The following INPP5B variants were observed in gnomAD, a reference collection of about 807,000 sequenced individuals.
INPP5B encodes type II inositol 1,4,5-trisphosphate 5-phosphatase.
Under a neutral mutation model 118.5 loss-of-function variants are expected in INPP5B, and 90 were observed. The observed-to-expected ratio is 0.76, with a 90% CI of 0.64 to 0.90. The LOEUF (loss-of-function observed/expected upper bound fraction) is 0.90. Ranked by LOEUF, INPP5B falls within the 40% of genes least tolerant of loss-of-function variation. The pLI is 0.00. For synonymous variants in INPP5B, 385 were observed against 418.9 expected, an observed-to-expected ratio of 0.92 and a Z score of 0.99; for missense variants, 984 against 1,125.6, an observed-to-expected ratio of 0.87 and a Z score of 1.80.
At chr1:37,919,366 T>C (rs111456731) in intron 7 of INPP5B, among the ~76,000 whole-genome samples, 3,052 of 152,138 alleles carry the variant, frequency 0.02, 102 homozygotes, top group African/African-American at 0.07. Flanking sequence ...TGCAAAACCA[T>C]GCAAGCAAAA....
At chr1:37,872,327 G>A (rs957740680) in intron 19 of INPP5B, among the ~76,000 whole-genome samples, 6 of 139,104 alleles carry the variant, frequency 4.3e-5, no homozygotes, top group East Asian at 2.2e-4. Context: ...CCAAGATCAC[G>A]TCATTGCACT....
At chr1:37,896,454 C>T (rs1275450319) in intron 7 of INPP5B, among the ~76,000 whole-genome samples, 7 of 150,578 alleles carry the variant, frequency 4.6e-5, no homozygotes, top group South Asian at 2.1e-4. Flanking sequence ...GCCAGCTGCC[C>T]CGTCCGGGAG....
chr1:37,931,674 T>C (rs1468843905), intron 7 of INPP5B: 2 of 1,521,926 alleles, frequency 1.3e-6, no homozygotes, highest in Non-Finnish European at 1.8e-6. Context: ...CCGCCGAACC[T>C]GCAGTGTTGC....
In INPP5B at chr1:37,873,073, C is replaced by G. The variant is rs376320485; in HGVS notation, c.2044G>C (p.Val682Leu). 1.3e-4 allele frequency: 213 copies of G among 1,614,024 alleles called. No homozygotes were observed. The highest frequency in any genetic ancestry group is 1.7e-4 in the Non-Finnish European group (204 of 1,180,020). The part of the protein sequence containing the change: ...SGEDKIEDIL[V>L]LHLDRGKDYF... The stretch of plus-strand genomic sequence containing the variant: ...TCCTTTCCCCTGTCCAAGTGCAGAA[C>G]CAGAATGTCCTCAATTTTGTCTTCA... The change falls in exon 19 of 24, where the codon GTT becomes CTT. Residue 682 changes from valine (V) to leucine (L), a missense_variant. Val to Leu is a conservative substitution (Grantham distance 32). Coordinates refer to ENST00000373024, the MANE Select transcript of INPP5B (RefSeq NM_005540.3).
At chr1:37,897,689 T>C (rs1644173020) in intron 7 of INPP5B, among the ~76,000 whole-genome samples, 1 of 151,610 alleles carries the variant, frequency 6.6e-6, no homozygotes, top group African/African-American at 2.4e-5. Context: ...CCTGTGACCC[T>C]GCCAAATCCC....
intron 15 of INPP5B, 65 bp downstream of exon 15, chr1:37,880,020 G>T: frequency 9.7e-7 from 1 of 1,033,916 alleles, no homozygotes; most frequent in Non-Finnish European, 1.5e-6. Flanking sequence ...GTCCAAAAGG[G>T]CAAGTACTTC....
chr1:37,908,026 C>T (rs371636863), intron 7 of INPP5B, among the ~76,000 whole-genome samples: 2 of 152,012 alleles, frequency 1.3e-5, no homozygotes, highest in Admixed American at 6.6e-5. Context: ...TATTCTCCCC[C>T]GCCCTTAAGA....
intron 17 of INPP5B, among the ~76,000 whole-genome samples, chr1:37,874,484 C>A (rs2148471222): frequency 6.6e-6 from 1 of 152,332 alleles, no homozygotes; most frequent in Admixed American, 6.5e-5. Flanking sequence ...TTCCAAGTAG[C>A]TGGACATCTA....
chr1:37,916,839 A>G lies in INPP5B; in HGVS notation c.532+15074T>C, dbSNP rs78604686. Among the ~76,000 whole-genome samples, 26 of 152,134 alleles carry G rather than the reference A, an allele frequency of 1.7e-4. 1 individual carries two copies. In the East Asian group the frequency reaches 3.7e-3, roughly 22 times the overall value. ...AGGCAGCAACATTATTTCTTCATTC[A>G]ATTGCTCCTTCTGCCTCCTTTTGCT... On this transcript the variant is annotated intron_variant, in intron 7 of 23. Coordinates refer to ENST00000373024, the MANE Select transcript of INPP5B (RefSeq NM_005540.3).
rs777140236 is a variant in INPP5B at position 37,872,951 on chromosome 1, T to A, written c.2166A>T (p.Pro722=). The stretch of plus-strand genomic sequence containing the variant: ...TCACCAGCTCACTAATGGTTTCAAG[T>A]GGTAGGTCCAAGATTGGCTCTCTCA... ...CYMREPILDL[P]LETISELTLM... The change falls in exon 19 of 24, where the codon CCA becomes CCT. Residue 722 remains proline, a synonymous_variant. Coordinates refer to ENST00000373024, the MANE Select transcript of INPP5B (RefSeq NM_005540.3). 4 of 1,613,788 alleles carry A rather than the reference T, an allele frequency of 2.5e-6. No individual in the cohort carries two copies. In the Admixed American group the frequency reaches 6.7e-5, roughly 27 times the overall value.
At chr1:37,923,856 A>C (rs1557703241) in intron 7 of INPP5B, among the ~76,000 whole-genome samples, 2 of 151,632 alleles carry the variant, frequency 1.3e-5, no homozygotes, top group Non-Finnish European at 2.9e-5. Context: ...GCTCACTGCA[A>C]CCTCTGCCTC....
chr1:37,868,400 G>T, intron 20 of INPP5B, 101 bp downstream of exon 20: 1 of 722,096 alleles, frequency 1.4e-6, no homozygotes, highest in Non-Finnish European at 2.5e-6. Context: ...CCTGGGTGAA[G>T]AACAGTTCTC....
intron 18 of INPP5B, 32 bp from the exon 19 acceptor site, chr1:37,873,197 G>A (rs375218010): frequency 6.8e-5 from 102 of 1,501,956 alleles, no homozygotes; most frequent in Non-Finnish European, 8.6e-5. Context: ...AATGTTGGCC[G>A]GGGGCAGGCC....
intron 7 of INPP5B, among the ~76,000 whole-genome samples, chr1:37,917,449 G>A (rs148125078): frequency 0.021 from 3,110 of 150,126 alleles, 58 homozygotes; most frequent in Middle Eastern, 0.051. Context: ...TCAGCCTCCC[G>A]AGTAGCTGGG....
At chr1:37,876,120 T>C (rs1642786268) in intron 16 of INPP5B, among the ~76,000 whole-genome samples, 3 of 151,744 alleles carry the variant, frequency 2.0e-5, no homozygotes, top group African/African-American at 7.3e-5. Context: ...TTTTTTTTTT[T>C]TTTGCAACAA....
intron 7 of INPP5B, among the ~76,000 whole-genome samples, chr1:37,921,060 C>T (rs556710383): frequency 1.9e-4 from 29 of 152,026 alleles, no homozygotes; most frequent in African/African-American, 5.1e-4. Flanking sequence ...GAGCCGAGAT[C>T]GCGTCACTGC....
Position 37,862,265 on chromosome 1 carries a change from G to A in INPP5B, c.*50C>T. 1 of 657,354 alleles carries A rather than the reference G, an allele frequency of 1.5e-6. No homozygotes were observed. Among genetic ancestry groups the A allele is most frequent in the Non-Finnish European group, 2.5e-6 (1 of 405,678 alleles). 40.7% of individuals were successfully genotyped at this position (657,354 alleles called of 1,614,324 possible). The stretch of plus-strand genomic sequence containing the variant: ...TTAAGGCATCTCTTGAGCTGAAACA[G>A]GTGGGGCTGGTAATTGGCAGCCTCA... On this transcript the variant is annotated 3_prime_UTR_variant, in exon 24 of 24. Coordinates refer to ENST00000373024, the MANE Select transcript of INPP5B (RefSeq NM_005540.3).
chr1:37,864,381 A>G lies in INPP5B; in HGVS notation c.2557T>C (p.Tyr853His), dbSNP rs200514181. The G allele has an allele frequency of 6.2e-7, 1 of 1,613,320 alleles. No individual in the cohort carries two copies. The highest frequency in any genetic ancestry group is 2.2e-5 in the East Asian group (1 of 44,874). ...AGTTCTCGCAAAAACGCCATCAAGTAGTGGAAGACATTTTTGTGGAATATG... is the reference window on the plus strand; with the variant it reads ...AGTTCTCGCAAAAACGCCATCAAGTGGTGGAAGACATTTTTGTGGAATATG... ...LPIFHKNVFH[Y>H]LMAFLRELLK... Residue 853 changes from tyrosine to histidine, a missense_variant, in exon 23 of 24, where the codon TAC becomes CAC. Physicochemically the swap from Tyr to His is moderately conservative, Grantham distance 83 (BLOSUM62 2). This residue lies in a region of INPP5B where 634 missense variants were observed against 791.0 expected (regional missense o/e 0.80). Coordinates refer to ENST00000373024, the MANE Select transcript of INPP5B (RefSeq NM_005540.3).
At chr1:37,909,490 G>A (rs1644612517) in intron 7 of INPP5B, among the ~76,000 whole-genome samples, 1 of 152,102 alleles carries the variant, frequency 6.6e-6, no homozygotes, top group Non-Finnish European at 1.5e-5. Flanking sequence ...GAGGTGGCTG[G>A]AGCTGAAGGC....
Sources: gnomAD v4.1 joint callset for allele counts (sites outside exome capture counted in the v4.1 genomes callset) on GRCh38, gnomAD v4.1.1 for gene constraint, gnomAD v4.1.1 regional missense constraint, MANE v1.5 for transcripts, NCBI Gene and HGNC (gene_info 2026-07-23, HGNC 2026-07-21) for gene names.